Variants in SLC1A6 observed in about 807,000 individuals in gnomAD.
SLC1A6 encodes solute carrier family 1 member 6, also known as excitatory amino acid transporter 4.
A neutral mutation model predicts 42.1 loss-of-function variants in SLC1A6; 15 were observed. The observed-to-expected ratio is 0.36, with a 90% CI of 0.24 to 0.55. The LOEUF is 0.55. Ranked by LOEUF, SLC1A6 falls within the 20% of genes least tolerant of loss-of-function variation. SLC1A6 has a pLI of 0.88. For missense variants in SLC1A6, 542 were observed against 772.5 expected (o/e 0.70, Z 3.54); for synonymous variants, 317 against 319.7 (o/e 0.99, Z 0.09).
chr19:14,983,848 T>C (rs1568297752), upstream of SLC1A6, among the ~76,000 whole-genome samples: 2 of 152,046 alleles, frequency 1.3e-5, no homozygotes, highest in African/African-American at 2.4e-5. Context: ...GAGCTCAATG[T>C]TAATGAATCA....
intron 4 of SLC1A6, among the ~76,000 whole-genome samples, chr19:14,966,953 G>A (rs183467586): frequency 6.6e-6 from 1 of 152,076 alleles, no homozygotes; most frequent in South Asian, 2.1e-4. Flanking sequence ...TAGATGACGG[G>A]TTGATAGGTG....
intron 1 of SLC1A6, among the ~76,000 whole-genome samples, chr19:15,008,474 G>A (rs1174274981): frequency 6.6e-5 from 10 of 152,128 alleles, no homozygotes; most frequent in Admixed American, 6.6e-4. Context: ...ATGCAAATTA[G>A]TACAACCTCT....
At chr19:14,981,988 G>A (rs931746751), upstream of SLC1A6, among the ~76,000 whole-genome samples, 41 of 151,948 alleles carry the variant, frequency 2.7e-4, no homozygotes, top group African/African-American at 9.9e-4. Context: ...AGTCCAAGAG[G>A]TTGAGTTTGC....
At chr19:14,987,790 G>A (rs2145229533) in intron 1 of SLC1A6, among the ~76,000 whole-genome samples, 1 of 152,272 alleles carries the variant, frequency 6.6e-6, no homozygotes, top group East Asian at 1.9e-4. Flanking sequence ...CAGCTAGAAA[G>A]CATTTGCAAA....
chr19:14,988,927 G>A (rs945969614), intron 1 of SLC1A6, among the ~76,000 whole-genome samples: 7 of 152,154 alleles, frequency 4.6e-5, no homozygotes, highest in African/African-American at 1.4e-4. Context: ...GCAGAGGTGG[G>A]AGGATCACTT....
intron 1 of SLC1A6, among the ~76,000 whole-genome samples, chr19:14,975,801 CGGAAG>C (rs1568294545): frequency 5.4e-5 from 5 of 92,456 alleles, no homozygotes; most frequent in African/African-American, 2.1e-4. Flanking sequence ...GGGAAGGGAA[CGGAAG>C]GGAAGGGAAG....
At chr19:14,987,082 C>T (rs936740502) in intron 1 of SLC1A6, among the ~76,000 whole-genome samples, 1 of 152,084 alleles carries the variant, frequency 6.6e-6, no homozygotes, top group Non-Finnish European at 1.5e-5. Context: ...ACCTTGCAGA[C>T]CCCCTGAATG....
intron 2 of SLC1A6, 24 bp from the exon 3 acceptor site, chr19:14,971,898 T>C (rs1384287997): frequency 1.9e-6 from 3 of 1,613,016 alleles, no homozygotes; most frequent in Non-Finnish European, 2.5e-6. Context: ...AAGGGGTCCA[T>C]GGACTGAAGT....
upstream of SLC1A6, among the ~76,000 whole-genome samples, chr19:14,982,931 A>G (rs1329686670): frequency 6.6e-6 from 1 of 152,228 alleles, no homozygotes; most frequent in Non-Finnish European, 1.5e-5. Flanking sequence ...TATTTTCCAA[A>G]ACAAGAACAA....
chr19:14,994,194 G>A (rs148696767), intron 1 of SLC1A6, among the ~76,000 whole-genome samples: 1 of 152,180 alleles, frequency 6.6e-6, no homozygotes, highest in African/African-American at 2.4e-5. Context: ...AAGAAGCCTT[G>A]TCCTCTGTCT....
intron 1 of SLC1A6, among the ~76,000 whole-genome samples, chr19:15,007,974 G>A (rs1036172450): frequency 3.3e-5 from 5 of 151,568 alleles, no homozygotes; most frequent in African/African-American, 9.7e-5. Context: ...GCAGTGAGTC[G>A]AGATCATGCC....
rs369800540 is a variant in SLC1A6 at position 14,992,527 on chromosome 19, G to A, written c.6+17958C>T. On this transcript the variant is annotated intron_variant, in intron 1 of 8. Coordinates refer to the SLC1A6 transcript ENST00000430939. ...AGGCCGAGGCAGGCAGACAGGTGGT[G>A]CGCACCTGTAATCCCAGCTACTCAG... 2.0e-5 allele frequency among the ~76,000 whole-genome samples: 3 copies of A among 152,140 alleles called. No individual in the cohort carries two copies. In the South Asian group the frequency reaches 6.2e-4, roughly 32 times the overall value.
chr19:15,009,523 T>C (rs918719549), intron 1 of SLC1A6, among the ~76,000 whole-genome samples: 1 of 152,004 alleles, frequency 6.6e-6, no homozygotes, highest in Non-Finnish European at 1.5e-5. Flanking sequence ...TCAAAAAAAC[T>C]CATGTTCTCA....
At chr19:14,967,512 C>T (rs539634554) in intron 4 of SLC1A6, among the ~76,000 whole-genome samples, 1 of 152,256 alleles carries the variant, frequency 6.6e-6, no homozygotes, top group South Asian at 2.1e-4. Flanking sequence ...AATCTAGACA[C>T]AACAACTAAC....
Position 14,956,535 on chromosome 19 carries a change from G to C in SLC1A6, c.1110C>G (p.Pro370=), listed in dbSNP as rs975402788. The C allele has an allele frequency of 8.1e-6, 13 of 1,611,816 alleles. No individual in the cohort carries two copies. Among genetic ancestry groups the C allele is most frequent in the Non-Finnish European group, 1.1e-5 (13 of 1,178,832 alleles). The change falls in exon 7 of 10, where the codon CCC becomes CCG. Residue 370 remains proline, a synonymous_variant. Transcript: ENST00000594383. ...LIYFLVTHRN[P]FPFIGGMLQA... The stretch of plus-strand genomic sequence containing the variant: ...GTAGCATGCCCCCAATGAAGGGGAA[G>C]GGGTTCCGGTGAGTGACGAGGAAGT...
intron 1 of SLC1A6, among the ~76,000 whole-genome samples, chr19:14,978,776 G>A (rs1381220662): frequency 1.3e-5 from 2 of 148,484 alleles, no homozygotes; most frequent in Non-Finnish European, 3.0e-5. Context: ...ATACAATTCT[G>A]CACACACACA....
chr19:14,964,469 A>C (rs147579087), intron 4 of SLC1A6, 108 bp from the exon 5 acceptor site: 9,202 of 865,526 alleles, frequency 0.011, 75 homozygotes, highest in Non-Finnish European at 0.014. Context: ...CCAACATATG[A>C]ATGCTTCCTC....
chr19:14,953,122 G>T, intron 8 of SLC1A6, 60 bp from the exon 9 acceptor site: 1 of 1,333,808 alleles, frequency 7.5e-7, no homozygotes, highest in Non-Finnish European at 1.1e-6. Flanking sequence ...GAGGAAGAGA[G>T]AGGAAAAGGA....
chr19:15,005,532 A>T (rs1040629541), intron 1 of SLC1A6, among the ~76,000 whole-genome samples: 4 of 152,052 alleles, frequency 2.6e-5, no homozygotes, highest in Admixed American at 1.3e-4. Context: ...AAACAAAAAA[A>T]CCAGATAACT....
Sources: allele counts gnomAD v4.1 joint callset (sites outside exome capture counted in the v4.1 genomes callset), GRCh38; gene constraint gnomAD v4.1.1; transcripts MANE v1.5; gene names NCBI Gene and HGNC (gene_info 2026-07-23, HGNC 2026-07-21).